Variants in SYS1 observed in about 807,000 individuals in gnomAD.
SYS1 encodes the protein protein SYS1 homolog.
A neutral mutation model predicts 17.8 loss-of-function variants in SYS1; 8 were observed. That is an observed-to-expected ratio of 0.45 (90% CI 0.26 to 0.81). The LOEUF (loss-of-function observed/expected upper bound fraction) is 0.81. Ranked by LOEUF, SYS1 falls within the 40% of genes least tolerant of loss-of-function variation. SYS1 has a pLI of 0.16. For synonymous variants in SYS1, 95 were observed against 90.9 expected, an observed-to-expected ratio of 1.05 and a Z score of -0.26; for missense variants, 161 against 203.9, an observed-to-expected ratio of 0.79 and a Z score of 1.28.
At chr20:45,370,077 A>G (rs1988529879), downstream of SYS1, among the ~76,000 whole-genome samples, 1 of 150,816 alleles carries the variant, frequency 6.6e-6, no homozygotes. Context: ...GGTTGGCACC[A>G]TCATGCTTGG....
exon 4 of SYS1, chr20:45,374,328 A>C (rs1296003536): frequency 5.8e-6 from 4 of 686,462 alleles, no homozygotes; most frequent in Non-Finnish European, 1.0e-5. Context: ...GCTGGAGTGC[A>C]GTGGCGAAGT....
rs1471269040 is a variant in SYS1 at position 45,375,632 on chromosome 20, G to C, written c.*1338G>C. On this transcript the variant is annotated 3_prime_UTR_variant, in exon 4 of 4. Transcript: ENST00000426004. ...AGACAGTTGCTATGTAGCCAGCTCA[G>C]GGGAGCCTGTTAAGAAAGGCTAGAG... 5 of 1,511,514 alleles carry C rather than the reference G, an allele frequency of 3.3e-6. No individual in the cohort carries two copies. The African/African-American group carries it at 4.2e-5, about 13-fold the overall frequency. 93.6% of individuals were successfully genotyped at this position (1,511,514 alleles called of 1,614,324 possible).
At chr20:45,375,341 C>G (rs367978127) in exon 4 of SYS1, 1 of 1,614,166 alleles carries the variant, frequency 6.2e-7, no homozygotes, top group South Asian at 1.1e-5. Flanking sequence ...ACCTCAGGCT[C>G]TATATGCTTT....
chr20:45,366,732 A>T, intron 3 of SYS1, 143 bp from the exon 4 acceptor site: 2 of 709,870 alleles, frequency 2.8e-6, no homozygotes, highest in Admixed American at 2.2e-5. Context: ...AGGTTCTTCT[A>T]GGCGTCTGGT....
downstream of SYS1, chr20:45,373,641 G>A (rs1988624179): frequency 2.0e-6 from 1 of 496,212 alleles, no homozygotes; most frequent in Non-Finnish European, 3.7e-6. Context: ...GCGATTGTGA[G>A]GCACTTTGCA....
chr20:45,373,554 G>A, downstream of SYS1: 1 of 325,824 alleles, frequency 3.1e-6, no homozygotes. Context: ...CCTTGCTCCT[G>A]CCACTTTCTA....
chr20:45,374,714 T>C (rs946143429), exon 4 of SYS1: 13 of 447,066 alleles, frequency 2.9e-5, no homozygotes, highest in Admixed American at 2.4e-4. Flanking sequence ...AACCCACTTA[T>C]GTAGGCCTCT....
In SYS1 at chr20:45,366,991, C is replaced by T. The variant is rs746876778; in HGVS notation, c.347C>T (p.Ala116Val). The change falls in exon 4 of 4, where the codon GCG becomes GTG. Residue 116 changes from alanine to valine, a missense_variant. Coordinates refer to ENST00000243918, the MANE Select transcript of SYS1 (RefSeq NM_033542.4). The stretch of plus-strand genomic sequence containing the variant: ...TTCTACAGCTCCCGTTTCCCCTCGG[C>T]GCTGACCTGGTGGCTGGTCCAAGCC... ...CWFYSSRFPS[A>V]LTWWLVQAVC... 4 of 1,614,192 alleles carry T rather than the reference C, an allele frequency of 2.5e-6. No individual in the cohort carries two copies. The highest frequency in any genetic ancestry group is 2.2e-5 in the East Asian group (1 of 44,888).
At chr20:45,373,769 GC>G (rs1988629897), downstream of SYS1, 3 of 757,096 alleles carry the variant, frequency 4.0e-6, no homozygotes, top group Admixed American at 4.3e-5. Flanking sequence ...GACCTTAGGG[GC>G]CTCGGGGTGG....
chr20:45,364,771 G>A (rs570508284), intron 2 of SYS1, among the ~76,000 whole-genome samples: 561 of 152,248 alleles, frequency 3.7e-3, no homozygotes, highest in African/African-American at 0.013. Context: ...GCGCCCGGCC[G>A]AGCACAGTTC....
chr20:45,372,443 C>T (rs973905470), downstream of SYS1: 2 of 152,286 alleles, frequency 1.3e-5, no homozygotes, highest in African/African-American at 4.8e-5. Context: ...TGGGCAGGCC[C>T]CCACGAAGGC....
Position 45,368,699 on chromosome 20 carries a change from G to T in SYS1, c.*1584G>T. 6 of 985,464 alleles carry T rather than the reference G, an allele frequency of 6.1e-6. 1 individual carries two copies. The South Asian group carries it at 2.8e-4, about 46-fold the overall frequency. 61.0% of individuals were successfully genotyped at this position (985,464 alleles called of 1,614,324 possible). A position where few individuals can be genotyped will look rare whatever the true frequency, so the allele number is the denominator to read the frequency against. On this transcript the variant is annotated 3_prime_UTR_variant, in exon 4 of 4. Coordinates refer to ENST00000243918, the MANE Select transcript of SYS1 (RefSeq NM_033542.4). ...TGGCCAAGTTGGAAGGAAGCAGTTTGTTAATGAGGCACAGTAATCCTGGCT... is the reference window on the plus strand; with the variant it reads ...TGGCCAAGTTGGAAGGAAGCAGTTTTTTAATGAGGCACAGTAATCCTGGCT...
In SYS1 at chr20:45,366,998, C is replaced by T. The variant is rs781445201; in HGVS notation, c.354C>T (p.Thr118=). The T allele has an allele frequency of 1.2e-6, 2 of 1,614,200 alleles. No individual in the cohort carries two copies. Among genetic ancestry groups the T allele is most frequent in the East Asian group, 4.5e-5 (2 of 44,886 alleles). The change falls in exon 4 of 4, where the codon ACC becomes ACT. Residue 118 remains threonine (T), a synonymous_variant. Coordinates refer to ENST00000243918, the MANE Select transcript of SYS1 (RefSeq NM_033542.4). ...FYSSRFPSAL[T]WWLVQAVCIA... Reference sequence around the variant, plus strand: ...GCTCCCGTTTCCCCTCGGCGCTGACCTGGTGGCTGGTCCAAGCCGTGTGCA... The same window carrying T: ...GCTCCCGTTTCCCCTCGGCGCTGACTTGGTGGCTGGTCCAAGCCGTGTGCA...
At chr20:45,371,622 A>G (rs1988562626), downstream of SYS1, among the ~76,000 whole-genome samples, 2 of 152,236 alleles carry the variant, frequency 1.3e-5, no homozygotes, top group Non-Finnish European at 2.9e-5. Context: ...TCTGCTTTTC[A>G]CGTTCCAGTT....
chr20:45,371,293 AC>A (rs1208750103), downstream of SYS1, among the ~76,000 whole-genome samples: 3 of 152,222 alleles, frequency 2.0e-5, no homozygotes, highest in African/African-American at 7.2e-5. Context: ...AGCCCCTGGC[AC>A]GTAGGAAGTG....
At chr20:45,375,086 G>A (rs1275523666) in exon 4 of SYS1, 8 of 1,613,970 alleles carry the variant, frequency 5.0e-6, no homozygotes, top group African/African-American at 2.7e-5. Context: ...GAGCAGAAGC[G>A]GGTGCAGCGG....
chr20:45,376,164 C>T (rs77640170), exon 4 of SYS1: 5,723 of 152,238 alleles, frequency 0.038, 129 homozygotes, highest in South Asian at 0.11. Flanking sequence ...TGATTGCCTG[C>T]GACTAGAGGC....
chr20:45,366,807 C>A, intron 3 of SYS1, 68 bp from the exon 4 acceptor site: 2 of 1,349,788 alleles, frequency 1.5e-6, no homozygotes, highest in Non-Finnish European at 2.1e-6. Flanking sequence ...CCTAATTGTC[C>A]CTACCCTCCC....
chr20:45,375,973 AC>A (rs1988719437), exon 4 of SYS1: 1 of 166,054 alleles, frequency 6.0e-6, no homozygotes, highest in Non-Finnish European at 1.3e-5. Context: ...GCTCATAACA[AC>A]ACAATTGGGG....
Sources: gnomAD v4.1 joint callset for allele counts (sites outside exome capture counted in the v4.1 genomes callset) on GRCh38, gnomAD v4.1.1 for gene constraint, MANE v1.5 for transcripts, NCBI Gene and HGNC (gene_info 2026-07-23, HGNC 2026-07-21) for gene names.